VAV3: variants seen among roughly 807,000 people sequenced by gnomAD.
VAV3 encodes guanine nucleotide exchange factor VAV3.
VAV3 carries 94 observed loss-of-function variants against 131.2 expected under a neutral mutation model. That is an observed-to-expected ratio of 0.72 (90% CI 0.61 to 0.85). The LOEUF is 0.85. Among genes scored for constraint, VAV3 ranks in the 40% least tolerant of loss-of-function variants. The pLI, the probability that VAV3 is intolerant of heterozygous loss-of-function variation, is 0.00. For missense variants in VAV3, 939 were observed against 1,002.7 expected (o/e 0.94, Z 0.86); for synonymous variants, 349 against 342.0 (o/e 1.02, Z -0.22).
intron 19 of VAV3, among the ~76,000 whole-genome samples, chr1:107,644,666 T>C (rs1341975876): frequency 1.3e-5 from 2 of 152,078 alleles, no homozygotes; most frequent in Admixed American, 6.6e-5. Context: ...AAGTCAATCA[T>C]TCTTAAGAAG....
At chr1:107,883,108 C>T (rs937527106) in intron 1 of VAV3, among the ~76,000 whole-genome samples, 11 of 152,096 alleles carry the variant, frequency 7.2e-5, no homozygotes, top group African/African-American at 2.7e-4. Flanking sequence ...TTCAAAAATA[C>T]AGTAATTTAC....
chr1:107,848,404 T>G (rs1669070505), intron 2 of VAV3, among the ~76,000 whole-genome samples: 1 of 151,460 alleles, frequency 6.6e-6, no homozygotes, highest in Non-Finnish European at 1.5e-5. Flanking sequence ...ATCCCTGGGA[T>G]GCAAGGCTGG....
At chr1:107,850,968 A>T (rs1379053813) in intron 2 of VAV3, among the ~76,000 whole-genome samples, 1 of 152,080 alleles carries the variant, frequency 6.6e-6, no homozygotes, top group East Asian at 1.9e-4. Context: ...AACTTGAAGG[A>T]AGAAAAGTTA....
chr1:107,660,320 A>G (rs1656916404), intron 19 of VAV3, among the ~76,000 whole-genome samples: 1 of 152,206 alleles, frequency 6.6e-6, no homozygotes, highest in South Asian at 2.1e-4. Context: ...TCTGCTACAC[A>G]GTTATATAAT....
At chr1:107,718,816 A>T (rs1303814599) in intron 15 of VAV3, among the ~76,000 whole-genome samples, 1 of 152,064 alleles carries the variant, frequency 6.6e-6, no homozygotes, top group African/African-American at 2.4e-5. Flanking sequence ...ATACTACAAG[A>T]CCACAGTAAC....
rs146576633 is a variant in VAV3 at position 107,892,369 on chromosome 1, T to C, written c.205-17352A>G. On this transcript the variant is annotated intron_variant, in intron 1 of 26. Coordinates refer to ENST00000370056, the MANE Select transcript of VAV3 (RefSeq NM_006113.5). ...CTTTAAGCACACGCTGAGTACAAGA[T>C]TAGATGCTAAAGATACAAAGAGAAG... Among the ~76,000 whole-genome samples, 628 of 152,266 alleles carry C rather than the reference T, an allele frequency of 4.1e-3. 5 individuals are homozygous for C. The highest frequency in any genetic ancestry group is 0.014 in the African/African-American group (590 of 41,542).
chr1:107,906,960 T>C (rs1196133941), intron 1 of VAV3, among the ~76,000 whole-genome samples: 1 of 152,174 alleles, frequency 6.6e-6, no homozygotes, highest in Non-Finnish European at 1.5e-5. Flanking sequence ...AGTGTTTATA[T>C]GAAGCATGGG....
At chr1:107,605,228 A>C (rs775186735) in intron 22 of VAV3, among the ~76,000 whole-genome samples, 2 of 152,208 alleles carry the variant, frequency 1.3e-5, no homozygotes, top group Non-Finnish European at 2.9e-5. Context: ...CCCATGTTGA[A>C]ATTTAAGTAT....
intron 2 of VAV3, among the ~76,000 whole-genome samples, chr1:107,820,119 A>G (rs1667732682): frequency 6.6e-6 from 1 of 152,172 alleles, no homozygotes; most frequent in African/African-American, 2.4e-5. Context: ...ATATACCCCA[A>G]AGAAAGGAAA....
At chr1:107,778,003 T>C (rs1665462271) in intron 3 of VAV3, among the ~76,000 whole-genome samples, 1 of 152,228 alleles carries the variant, frequency 6.6e-6, no homozygotes, top group South Asian at 2.1e-4. Flanking sequence ...CATGGTACTA[T>C]GTCCTTTTTT....
intron 24 of VAV3, among the ~76,000 whole-genome samples, chr1:107,598,236 A>T (rs1266521534): frequency 1.3e-5 from 2 of 152,086 alleles, no homozygotes; most frequent in African/African-American, 4.8e-5. Context: ...GGTGCCTGTG[A>T]TCCCAGCTAC....
intron 2 of VAV3, among the ~76,000 whole-genome samples, chr1:107,806,601 A>C (rs1419194859): frequency 6.6e-6 from 1 of 152,136 alleles, no homozygotes; most frequent in Non-Finnish European, 1.5e-5. Flanking sequence ...TGAAAATACC[A>C]ATATTTTTAT....
chr1:107,811,446 G>A (rs1156770840), intron 2 of VAV3, among the ~76,000 whole-genome samples: 4 of 152,100 alleles, frequency 2.6e-5, no homozygotes. Flanking sequence ...AGCAAATGAG[G>A]GAAAAATCTG....
intron 1 of VAV3, among the ~76,000 whole-genome samples, chr1:107,902,284 G>T (rs1205715540): frequency 2.0e-5 from 3 of 152,154 alleles, no homozygotes; most frequent in Non-Finnish European, 2.9e-5. Flanking sequence ...GGCCATCTGT[G>T]ATTGAATGTA....
intron 2 of VAV3, among the ~76,000 whole-genome samples, chr1:107,866,630 G>C (rs892699204): frequency 6.6e-6 from 1 of 151,602 alleles, no homozygotes; most frequent in Admixed American, 6.6e-5. Context: ...AGACCAGCTG[G>C]GCCAACATGG....
chr1:107,762,185 G>A (rs1664480032), intron 9 of VAV3, among the ~76,000 whole-genome samples: 1 of 150,720 alleles, frequency 6.6e-6, no homozygotes, highest in Non-Finnish European at 1.5e-5. Context: ...CCAAAATCCT[G>A]ACACAATTGC....
intron 15 of VAV3, among the ~76,000 whole-genome samples, chr1:107,705,825 T>A (rs1355357382): frequency 6.6e-6 from 1 of 152,126 alleles, no homozygotes; most frequent in Admixed American, 6.5e-5. Context: ...TGACACTTAC[T>A]CTAAAGTAGA....
At chr1:107,807,554 T>A (rs76965144) in intron 2 of VAV3, among the ~76,000 whole-genome samples, 22,990 of 152,210 alleles carry the variant, frequency 0.15, 2,007 homozygotes, top group East Asian at 0.29. Flanking sequence ...GCCACTGCAC[T>A]TGGCCTTGTG....
At chr1:107,784,285 A>G (rs1665864067) in intron 2 of VAV3, among the ~76,000 whole-genome samples, 1 of 152,088 alleles carries the variant, frequency 6.6e-6, no homozygotes, top group Non-Finnish European at 1.5e-5. Context: ...TGCTTTTGTC[A>G]TTAACAATAA....
Sources: allele counts gnomAD v4.1 joint callset (sites outside exome capture counted in the v4.1 genomes callset), GRCh38; gene constraint gnomAD v4.1.1; transcripts MANE v1.5; gene names NCBI Gene and HGNC (gene_info 2026-07-23, HGNC 2026-07-21).